UBB: variants seen among roughly 807,000 people sequenced by gnomAD.
UBB encodes the protein polyubiquitin-B.
A neutral mutation model predicts 12.5 loss-of-function variants in UBB; 11 were observed. The observed-to-expected ratio is 0.88, with a 90% CI of 0.55 to 1.45. UBB has a LOEUF of 1.45. Ranked by LOEUF, UBB falls within the 40% of genes most tolerant of loss-of-function variation. The pLI is 0.00. For missense variants in UBB, 76 were observed against 286.9 expected, an observed-to-expected ratio of 0.26 and a Z score of 5.31; for synonymous variants, 168 against 120.1, an observed-to-expected ratio of 1.40 and a Z score of -2.61.
chr17:16,381,059 T>G (rs953995531), upstream of UBB: 4 of 153,420 alleles, frequency 2.6e-5, no homozygotes, highest in Non-Finnish European at 1.5e-5. Flanking sequence ...GCAACACTCG[T>G]TGCATAAATT....
chr17:16,382,471 C>A lies in UBB; in HGVS notation c.564C>A (p.Ile188=). Residue 188 remains isoleucine (I), a synonymous_variant, in exon 2 of 2, where the codon ATC becomes ATA. Coordinates refer to ENST00000302182, the MANE Select transcript of UBB (RefSeq NM_018955.4). ...VKAKIQDKEG[I]PPDQQRLIFA... Reference sequence around the variant, plus strand: ...CCAAGATCCAAGATAAAGAAGGCATCCCCCCCGACCAGCAGAGGCTCATCT... The same window carrying A: ...CCAAGATCCAAGATAAAGAAGGCATACCCCCCGACCAGCAGAGGCTCATCT... 1.2e-6 allele frequency: 2 copies of A among 1,608,106 alleles called. No homozygotes were observed. The highest frequency in any genetic ancestry group is 1.7e-6 in the Non-Finnish European group (2 of 1,177,652).
At position 16,381,117 on chromosome 17, in the gene UBB, T is replaced by G. The variant is rs747672903; in HGVS notation, c.-74T>G. ...TTTAGGGGCGGTTGGCTTTGTTGGGTGAGCTTGTTTGTGTCCCTGTGGGTG... is the reference window on the plus strand; with the variant it reads ...TTTAGGGGCGGTTGGCTTTGTTGGGGGAGCTTGTTTGTGTCCCTGTGGGTG... On this transcript the variant is annotated 5_prime_UTR_variant, in exon 1 of 2. Transcript: ENST00000302182. The G allele has an allele frequency of 2.0e-5, 3 of 150,654 alleles. No homozygotes were observed. Among genetic ancestry groups the G allele is most frequent in the South Asian group, 2.1e-4 (1 of 4,672 alleles). 9.3% of individuals were successfully genotyped at this position (150,654 alleles called of 1,614,324 possible).
At chr17:16,381,388 G>C (rs911251734) in intron 1 of UBB, 9 of 173,914 alleles carry the variant, frequency 5.2e-5, no homozygotes, top group African/African-American at 1.9e-4. Context: ...GCGCGCGCGC[G>C]TTGACGGAAA....
In UBB at chr17:16,381,164, G is replaced by C. The variant is rs1191380802; in HGVS notation, c.-27G>C. ...GGTGGACGTGGTTGGTGATTGGCAGGATCCTGGTATCCGCTAACAGGTACT... is the reference window on the plus strand; with the variant it reads ...GGTGGACGTGGTTGGTGATTGGCAGCATCCTGGTATCCGCTAACAGGTACT... On this transcript the variant is annotated 5_prime_UTR_variant, in exon 1 of 2. Transcript: ENST00000302182. 6.6e-6 allele frequency: 1 copy of C among 151,488 alleles called. No individual in the cohort carries two copies. The highest frequency in any genetic ancestry group is 1.5e-5 in the Non-Finnish European group (1 of 68,254). 9.4% of individuals were successfully genotyped at this position (151,488 alleles called of 1,614,324 possible). A position where few individuals can be genotyped will look rare whatever the true frequency, so the allele number is the denominator to read the frequency against.
chr17:16,381,755 C>T (rs2093276280), intron 1 of UBB, 147 bp from the exon 2 acceptor site: 4 of 1,100,496 alleles, frequency 3.6e-6, no homozygotes, highest in African/African-American at 1.6e-5. Flanking sequence ...GTGACTTAGC[C>T]TTGTAAAATT....
upstream of UBB, chr17:16,381,053 C>G (rs2093272917): frequency 6.5e-6 from 1 of 153,514 alleles, no homozygotes; most frequent in African/African-American, 2.4e-5. Flanking sequence ...AGTGACGCAA[C>G]ACTCGTTGCA....
intron 1 of UBB, 186 bp downstream of exon 1, chr17:16,381,370 C>A (rs575777249): frequency 1.1e-5 from 2 of 175,592 alleles, no homozygotes; most frequent in South Asian, 1.1e-4. Context: ...GGGGCGAGGG[C>A]GGTTGGCGCG....
rs1266922057 is a variant in UBB at position 16,382,009 on chromosome 17, A to G, written c.102A>G (p.Glu34=). The change falls in exon 2 of 2, where the codon GAA becomes GAG. Residue 34 remains glutamate, a synonymous_variant. Coordinates refer to ENST00000302182, the MANE Select transcript of UBB (RefSeq NM_018955.4). ...ENVKAKIQDK[E]GIPPDQQRLI... ...TGAAGGCCAAGATCCAGGATAAGGA[A>G]GGCATTCCCCCCGACCAGCAGAGGC... 3.3e-5 allele frequency: 54 copies of G among 1,612,814 alleles called. No homozygotes were observed. Among genetic ancestry groups the G allele is most frequent in the Non-Finnish European group, 4.5e-5 (53 of 1,179,570 alleles).
chr17:16,381,882 A>G lies in UBB; in HGVS notation c.-6-20A>G, dbSNP rs762764558. On this transcript the variant is annotated intron_variant, in intron 1 of 1. Coordinates refer to ENST00000302182, the MANE Select transcript of UBB (RefSeq NM_018955.4). ...ACAATGATCCTGAGGTGACACGCTT[A>G]TGTTTTACTTTTAAACTAGGTCAAA... 1.2e-6 allele frequency: 2 copies of G among 1,613,092 alleles called. 1 individual carries two copies. The highest frequency in any genetic ancestry group is 1.7e-6 in the Non-Finnish European group (2 of 1,179,360).
rs145568298 is a variant in UBB at position 16,382,066 on chromosome 17, C to G, written c.159C>G (p.Gly53=). The G allele has an allele frequency of 1.5e-5, 24 of 1,609,708 alleles. No individual in the cohort carries two copies. The highest frequency in any genetic ancestry group is 2.0e-5 in the Non-Finnish European group (24 of 1,179,008). Residue 53 remains glycine (G), a synonymous_variant, in exon 2 of 2, where the codon GGC becomes GGG. Coordinates refer to ENST00000302182, the MANE Select transcript of UBB (RefSeq NM_018955.4). ...LIFAGKQLED[G]RTLSDYNIQK... ...TTGCAGGCAAGCAGCTGGAAGATGG[C>G]CGTACTCTTTCTGACTACAACATCC...
chr17:16,381,786 T>C lies in UBB; in HGVS notation c.-6-116T>C. Reference sequence around the variant, plus strand: ...AAATTGAGGGGAGGCTTGCGGAATATTAACGTATTTAAGGCATTTTGAAGG... The same window carrying C: ...AAATTGAGGGGAGGCTTGCGGAATACTAACGTATTTAAGGCATTTTGAAGG... On this transcript the variant is annotated intron_variant, in intron 1 of 1. Transcript: ENST00000302182. The C allele has an allele frequency of 6.9e-6, 9 of 1,303,376 alleles. No individual in the cohort carries two copies. In the South Asian group the frequency reaches 1.2e-4, roughly 18 times the overall value. 80.7% of individuals were successfully genotyped at this position (1,303,376 alleles called of 1,614,324 possible).
In UBB at chr17:16,381,955, G is replaced by C; in HGVS notation, c.48G>C (p.Glu16Asp). The C allele has an allele frequency of 6.2e-7, 1 of 1,612,084 alleles. No homozygotes were observed. The highest frequency in any genetic ancestry group is 1.3e-5 in the African/African-American group (1 of 74,284). ...KTLTGKTITLEVEPSDTIENV... is the reference protein window; with the variant it reads ...KTLTGKTITLDVEPSDTIENV... The stretch of plus-strand genomic sequence containing the variant: ...TTACCGGCAAGACCATCACCCTTGA[G>C]GTGGAGCCCAGTGACACCATCGAAA... Residue 16 changes from glutamate (E) to aspartate (D), a missense_variant, in exon 2 of 2, where the codon GAG (glutamate) becomes GAC (aspartate). Physicochemically the swap from Glu to Asp is conservative, Grantham distance 45. Transcript: ENST00000302182.
At chr17:16,381,759 TAA>T in intron 1 of UBB, 141 bp from the exon 2 acceptor site, 1 of 1,141,998 alleles carries the variant, frequency 8.8e-7, no homozygotes, top group Non-Finnish European at 1.2e-6. Flanking sequence ...CTTAGCCTTG[TAA>T]AATTGAGGGG....
chr17:16,381,790 C>A (rs374084685), intron 1 of UBB, 112 bp from the exon 2 acceptor site: 1 of 1,318,986 alleles, frequency 7.6e-7, no homozygotes, highest in Non-Finnish European at 1.0e-6. Flanking sequence ...GGAATATTAA[C>A]GTATTTAAGG....
rs1434023151 is a variant in UBB at position 16,382,181 on chromosome 17, G to T, written c.274G>T (p.Glu92Ter). The change falls in exon 2 of 2, where the codon GAA (glutamate) becomes TAA (stop). Residue 92 changes from glutamate to a stop codon, truncating the protein, a stop_gained. Coordinates refer to ENST00000302182, the MANE Select transcript of UBB (RefSeq NM_018955.4). LOFTEE classifies it high-confidence loss of function. ...KTLTGKTITL[E>*]VEPSDTIENV... ...CCTGACCGGCAAGACCATCACCCTGGAAGTGGAGCCCAGTGACACCATCGA... is the reference window on the plus strand; with the variant it reads ...CCTGACCGGCAAGACCATCACCCTGTAAGTGGAGCCCAGTGACACCATCGA... 1 of 1,610,464 alleles carries T rather than the reference G, an allele frequency of 6.2e-7. No individual in the cohort carries two copies. The highest frequency in any genetic ancestry group is 1.1e-5 in the South Asian group (1 of 90,928).
chr17:16,381,235 G>A (rs1356161851), intron 1 of UBB, 51 bp downstream of exon 1: 1 of 154,986 alleles, frequency 6.5e-6, no homozygotes, highest in Non-Finnish European at 1.4e-5. Flanking sequence ...AGGGGGGAAT[G>A]GGTGAGGTCA....
intron 1 of UBB, chr17:16,381,683 A>G (rs549640320): frequency 1.7e-5 from 11 of 652,140 alleles, no homozygotes; most frequent in Non-Finnish European, 2.5e-5. Flanking sequence ...ACGCTTGGTA[A>G]GAGAGCGCTC....
At position 16,381,108 on chromosome 17, in the gene UBB, T is replaced by G. The variant is rs1178442336; in HGVS notation, c.-83T>G. The G allele has an allele frequency of 6.6e-6, 1 of 151,810 alleles. No homozygotes were observed. Among genetic ancestry groups the G allele is most frequent in the African/African-American group, 2.4e-5 (1 of 41,004 alleles). The allele number at this position is 151,810 out of a possible 1,614,324, so 9.4% of individuals were successfully genotyped here. Reference sequence around the variant, plus strand: ...CCCGGAGCATTTAGGGGCGGTTGGCTTTGTTGGGTGAGCTTGTTTGTGTCC... The same window carrying G: ...CCCGGAGCATTTAGGGGCGGTTGGCGTTGTTGGGTGAGCTTGTTTGTGTCC... On this transcript the variant is annotated 5_prime_UTR_variant, in exon 1 of 2. Transcript: ENST00000302182.
intron 1 of UBB, 194 bp downstream of exon 1, chr17:16,381,378 G>A: frequency 5.7e-6 from 1 of 175,222 alleles, no homozygotes; most frequent in South Asian, 1.2e-4. Context: ...GGCGGTTGGC[G>A]CGCGCGCGCG....
Sources: allele counts gnomAD v4.1 joint callset, GRCh38; gene constraint gnomAD v4.1.1; transcripts MANE v1.5; gene names NCBI Gene and HGNC (gene_info 2026-07-23, HGNC 2026-07-21).